The following CHRM2 variants were observed in gnomAD, a reference collection of about 807,000 sequenced individuals.
CHRM2 encodes muscarinic acetylcholine receptor M2.
In CHRM2, 8 loss-of-function variants were observed where a neutral mutation model predicts 25.0. The ratio of observed to expected loss-of-function variants is 0.32; its 90% confidence interval spans 0.19 to 0.58. The LOEUF (loss-of-function observed/expected upper bound fraction) is 0.58, where lower values mean the gene tolerates loss of function less well. Among genes scored for constraint, CHRM2 ranks in the 20% least tolerant of loss-of-function variants. The pLI is 0.88. For synonymous variants in CHRM2, 202 were observed against 205.7 expected (o/e 0.98, Z 0.15); for missense variants, 440 against 567.1 (o/e 0.78, Z 2.28).
chr7:136,931,327 G>C (rs1170950189), intron 2 of CHRM2, among the ~76,000 whole-genome samples: 1 of 152,186 alleles, frequency 6.6e-6, no homozygotes, highest in Middle Eastern at 3.2e-3. Flanking sequence ...GAAACCCAGG[G>C]AGAGATAATG....
intron 2 of CHRM2, among the ~76,000 whole-genome samples, chr7:136,886,178 T>C (rs569919496): frequency 6.6e-6 from 1 of 152,334 alleles, no homozygotes; most frequent in East Asian, 1.9e-4. Flanking sequence ...CACAGGTAGA[T>C]TGTTAGATTG....
In CHRM2 at chr7:137,014,840, C is replaced by T; in HGVS notation, c.-26C>T. On this transcript the variant is annotated 5_prime_UTR_variant, in exon 4 of 4. Coordinates refer to ENST00000680005, the MANE Select transcript of CHRM2 (RefSeq NM_001006630.2). ...TGCAGGTTTAAATGTTTATTTGCTA[C>T]TTGGCTACTGATTAGAGAACGCAAA... 1 of 1,596,266 alleles carries T rather than the reference C, an allele frequency of 6.3e-7. No homozygotes were observed. The highest frequency in any genetic ancestry group is 1.7e-5 in the Admixed American group (1 of 59,852).
At chr7:136,885,198 C>T (rs957062659) in intron 2 of CHRM2, among the ~76,000 whole-genome samples, 3 of 152,186 alleles carry the variant, frequency 2.0e-5, no homozygotes, top group Non-Finnish European at 4.4e-5. Flanking sequence ...TATCATCCCT[C>T]CTTAGCAATG....
rs768954979 is a variant in CHRM2, at chr7:136,963,735, C to T, written c.-124-28452C>T. Reference sequence around the variant, plus strand: ...CTTTTAAAAAAATGACGCCCAGGTCCCACTGTGGAGCATTTAAATCAAAAT... The same window carrying T: ...CTTTTAAAAAAATGACGCCCAGGTCTCACTGTGGAGCATTTAAATCAAAAT... On this transcript the variant is annotated intron_variant, in intron 2 of 3. Coordinates refer to ENST00000680005, the MANE Select transcript of CHRM2 (RefSeq NM_001006630.2). Among the ~76,000 whole-genome samples, 11 of 152,140 alleles carry T rather than the reference C, an allele frequency of 7.2e-5. No homozygotes were observed. In the East Asian group the frequency reaches 1.2e-3, roughly 16 times the overall value.
intron 2 of CHRM2, among the ~76,000 whole-genome samples, chr7:136,975,560 A>T (rs1256434082): frequency 2.0e-5 from 3 of 152,218 alleles, no homozygotes; most frequent in African/African-American, 7.2e-5. Flanking sequence ...TCCCCAATAA[A>T]ACATAACAAA....
At chr7:136,890,947 A>G (rs549675737) in intron 2 of CHRM2, among the ~76,000 whole-genome samples, 8 of 152,104 alleles carry the variant, frequency 5.3e-5, no homozygotes, top group African/African-American at 1.9e-4. Context: ...TGTTACATTC[A>G]TCCCTACTGT....
At chr7:136,904,277 A>G (rs571568564) in intron 2 of CHRM2, among the ~76,000 whole-genome samples, 1 of 151,962 alleles carries the variant, frequency 6.6e-6, no homozygotes, top group South Asian at 2.1e-4. Flanking sequence ...TTCTGGTAAA[A>G]AGCTCAAATC....
chr7:136,883,164 C>CA (rs1438586435), intron 2 of CHRM2, among the ~76,000 whole-genome samples: 1 of 152,086 alleles, frequency 6.6e-6, no homozygotes, highest in Non-Finnish European at 1.5e-5. Flanking sequence ...TTAACAGTTA[C>CA]AGTGGACCTA....
intron 2 of CHRM2, among the ~76,000 whole-genome samples, chr7:136,973,171 T>C (rs1427780410): frequency 1.9e-4 from 14 of 72,088 alleles, no homozygotes; most frequent in Non-Finnish European, 2.1e-4. Flanking sequence ...TGGCAGGTGA[T>C]GATGGTGACG....
At chr7:136,938,356 A>C in intron 2 of CHRM2, 1 of 1,582,868 alleles carries the variant, frequency 6.3e-7, no homozygotes, top group Non-Finnish European at 8.6e-7. Context: ...CTGCTGCAGG[A>C]GGCTCCACTT....
At chr7:136,938,628 A>C in intron 2 of CHRM2, 2 of 855,268 alleles carry the variant, frequency 2.3e-6, no homozygotes, top group Non-Finnish European at 4.0e-6. Context: ...GAGAAGCTCG[A>C]GGAGCTCATG....
At chr7:136,975,504 T>C (rs1336754924) in intron 2 of CHRM2, among the ~76,000 whole-genome samples, 2 of 152,180 alleles carry the variant, frequency 1.3e-5, no homozygotes. Flanking sequence ...GAAGAATTCA[T>C]AGAATAAGAT....
chr7:136,979,641 T>G (rs954367948), intron 2 of CHRM2, among the ~76,000 whole-genome samples: 1 of 152,152 alleles, frequency 6.6e-6, no homozygotes, highest in African/African-American at 2.4e-5. Context: ...AAAGAAGGGG[T>G]CCAGTTTAAG....
intron 2 of CHRM2, among the ~76,000 whole-genome samples, chr7:136,990,556 T>G (rs999872092): frequency 1.3e-5 from 2 of 152,198 alleles, no homozygotes; most frequent in Non-Finnish European, 2.9e-5. Flanking sequence ...GATAACTTAC[T>G]TGTTTTTAGC....
chr7:137,015,078 C>T lies in CHRM2; in HGVS notation c.213C>T (p.Ile71=), dbSNP rs770495131. ...FLFSLACADL[I]IGVFSMNLYT... is the part of the protein sequence containing the mutation. ...TCAGCTTGGCCTGTGCTGACCTTAT[C>T]ATAGGTGTTTTCTCCATGAACTTGT... The change falls in exon 4 of 4, where the codon ATC becomes ATT. Residue 71 remains isoleucine, a synonymous_variant. Coordinates refer to ENST00000680005, the MANE Select transcript of CHRM2 (RefSeq NM_001006630.2). The surrounding 1 kb of genome is among the most constrained non-coding windows in gnomAD (Gnocchi z 5.1). The T allele has an allele frequency of 3.7e-6, 6 of 1,613,374 alleles. No individual in the cohort carries two copies. The African/African-American group carries it at 8.0e-5, about 22-fold the overall frequency.
chr7:136,870,679 CAG>C (rs1014673552), intron 2 of CHRM2: 7 of 152,498 alleles, frequency 4.6e-5, no homozygotes, highest in Non-Finnish European at 8.8e-5. Context: ...TGGAGGAGAA[CAG>C]AGAATTGGAG....
intron 2 of CHRM2, among the ~76,000 whole-genome samples, chr7:136,913,127 G>A (rs1047570148): frequency 1.3e-5 from 2 of 151,834 alleles, no homozygotes; most frequent in Non-Finnish European, 2.9e-5. Context: ...TTAAGCTCCT[G>A]ACAAACTGTA....
chr7:136,968,340 A>G (rs946350091), intron 2 of CHRM2, among the ~76,000 whole-genome samples: 3 of 152,060 alleles, frequency 2.0e-5, no homozygotes, highest in Admixed American at 2.0e-4. Flanking sequence ...ATCATCTGAT[A>G]CTTGCTAGAA....
chr7:136,967,342 T>C (rs989666663), intron 2 of CHRM2, among the ~76,000 whole-genome samples: 2 of 152,030 alleles, frequency 1.3e-5, no homozygotes, highest in Admixed American at 1.3e-4. Flanking sequence ...ACATTGATGA[T>C]AAAGTGGGCG....
Sources: allele counts gnomAD v4.1 joint callset (sites outside exome capture counted in the v4.1 genomes callset), GRCh38; gene constraint gnomAD v4.1.1; non-coding constraint Gnocchi (gnomAD v3.1); transcripts MANE v1.5; gene names NCBI Gene and HGNC (gene_info 2026-07-23, HGNC 2026-07-21).